Variants in SEMA5A observed in about 807,000 individuals in gnomAD.
The protein encoded by SEMA5A is semaphorin-5A.
A neutral mutation model predicts 135.5 loss-of-function variants in SEMA5A; 55 were observed. The ratio of observed to expected loss-of-function variants is 0.41; its 90% CI spans 0.33 to 0.51. The LOEUF (loss-of-function observed/expected upper bound fraction) is 0.51. Ranked by LOEUF, SEMA5A falls within the 20% of genes least tolerant of loss-of-function variation. The probability of loss-of-function intolerance (pLI) is 0.37; values close to 1 mark genes in which losing one functional copy is unlikely to be tolerated. For missense variants in SEMA5A, 1,290 were observed against 1,419.9 expected (o/e 0.91, Z 1.47); for synonymous variants, 580 against 546.5 (o/e 1.06, Z -0.85).
intron 2 of SEMA5A, among the ~76,000 whole-genome samples, chr5:9,404,664 G>A (rs1167049026): frequency 6.6e-6 from 1 of 152,174 alleles, no homozygotes; most frequent in Non-Finnish European, 1.5e-5. Flanking sequence ...GACCATTCCA[G>A]TGTCCCGTTG....
intron 5 of SEMA5A, among the ~76,000 whole-genome samples, chr5:9,304,762 G>C (rs1206543524): frequency 3.9e-5 from 6 of 152,060 alleles, no homozygotes; most frequent in African/African-American, 9.7e-5. Flanking sequence ...GATTTATGAT[G>C]ATTCTGTAGG....
At chr5:9,472,831 A>T (rs268511) in intron 1 of SEMA5A, among the ~76,000 whole-genome samples, 81,952 of 150,988 alleles carry the variant, frequency 0.54, 22,945 homozygotes, top group African/African-American at 0.62. Context: ...ATTCAAAATT[A>T]TTAGAAGTAT....
chr5:9,251,539 C>G (rs1361600779), intron 5 of SEMA5A, among the ~76,000 whole-genome samples: 1 of 152,190 alleles, frequency 6.6e-6, no homozygotes, highest in Non-Finnish European at 1.5e-5. Context: ...CAAGTTTTGA[C>G]TATGACTATG....
chr5:9,395,019 T>C (rs1307146022), intron 2 of SEMA5A, among the ~76,000 whole-genome samples: 1 of 152,184 alleles, frequency 6.6e-6, no homozygotes, highest in Non-Finnish European at 1.5e-5. Flanking sequence ...TCCTAAGTCG[T>C]AGGAAAATTT....
intron 5 of SEMA5A, among the ~76,000 whole-genome samples, chr5:9,317,259 C>A (rs866530461): frequency 5.3e-5 from 8 of 152,038 alleles, no homozygotes; most frequent in African/African-American, 1.9e-4. Flanking sequence ...ATTATCATCA[C>A]TTTAAAAAAT....
intron 5 of SEMA5A, among the ~76,000 whole-genome samples, chr5:9,255,703 A>G (rs1749032285): frequency 6.6e-6 from 1 of 150,594 alleles, no homozygotes; most frequent in East Asian, 2.0e-4. Flanking sequence ...TTCACTTTCC[A>G]CTCTTCCTTC....
At chr5:9,450,756 C>CAA (rs755349461) in intron 1 of SEMA5A, among the ~76,000 whole-genome samples, 11 of 129,242 alleles carry the variant, frequency 8.5e-5, no homozygotes, top group African/African-American at 2.2e-4. Context: ...TCTACCACAT[C>CAA]AAAAAAAAAA....
At chr5:9,314,556 G>T (rs1045843967) in intron 5 of SEMA5A, among the ~76,000 whole-genome samples, 1 of 152,050 alleles carries the variant, frequency 6.6e-6, no homozygotes, top group African/African-American at 2.4e-5. Context: ...CTCACATGGT[G>T]CTTCTATCAG....
chr5:9,445,355 A>G (rs1758392758), intron 1 of SEMA5A, among the ~76,000 whole-genome samples: 1 of 152,006 alleles, frequency 6.6e-6, no homozygotes, highest in Non-Finnish European at 1.5e-5. Context: ...CCTTCGGTAA[A>G]TATCTCTCGT....
chr5:9,327,831 G>A (rs1239624316), intron 4 of SEMA5A, among the ~76,000 whole-genome samples: 2 of 151,678 alleles, frequency 1.3e-5, no homozygotes, highest in African/African-American at 4.8e-5. Flanking sequence ...AATTTAACTC[G>A]CGACTTTTGC....
intron 1 of SEMA5A, among the ~76,000 whole-genome samples, chr5:9,543,519 G>A (rs1278918567): frequency 6.6e-6 from 1 of 152,146 alleles, no homozygotes; most frequent in East Asian, 1.9e-4. Context: ...AGCTTTACTC[G>A]CAGCAGGGAT....
rs1735927709 is a variant in SEMA5A, at chr5:9,040,909, T to A, written c.*1988A>T. On this transcript the variant is annotated 3_prime_UTR_variant, in exon 23 of 23. Transcript: ENST00000382496. Reference sequence around the variant, plus strand: ...AAAATGTTTTTTTCTTACAAGAAACTGATGAGATGAGTTGAAATATCTGAT... The same window carrying A: ...AAAATGTTTTTTTCTTACAAGAAACAGATGAGATGAGTTGAAATATCTGAT... 1 of 152,204 alleles carries A rather than the reference T, an allele frequency of 6.6e-6. No individual in the cohort carries two copies. The highest frequency in any genetic ancestry group is 2.1e-4 in the South Asian group (1 of 4,832). The allele number at this position is 152,204 out of a possible 1,614,324, so 9.4% of individuals were successfully genotyped here. A position where few individuals can be genotyped will look rare whatever the true frequency, so the allele number is the denominator to read the frequency against.
intron 2 of SEMA5A, among the ~76,000 whole-genome samples, chr5:9,418,672 T>G (rs917930523): frequency 1.7e-4 from 26 of 152,206 alleles, no homozygotes; most frequent in African/African-American, 6.3e-4. Flanking sequence ...CATAAGCTCT[T>G]TAGGAACAGG....
At chr5:9,126,304 C>T (rs1741108152) in intron 13 of SEMA5A, among the ~76,000 whole-genome samples, 1 of 152,034 alleles carries the variant, frequency 6.6e-6, no homozygotes, top group Non-Finnish European at 1.5e-5. Context: ...CCGTCTTATT[C>T]CTCCTGCCCA....
chr5:9,052,703 G>A (rs1736655798), intron 19 of SEMA5A, among the ~76,000 whole-genome samples: 1 of 152,028 alleles, frequency 6.6e-6, no homozygotes, highest in East Asian at 1.9e-4. Flanking sequence ...GGCATTGAAA[G>A]GATACTTCAT....
intron 12 of SEMA5A, among the ~76,000 whole-genome samples, chr5:9,139,300 T>C (rs1741935650): frequency 6.6e-6 from 1 of 152,216 alleles, no homozygotes; most frequent in African/African-American, 2.4e-5. Flanking sequence ...GTTTTCTATA[T>C]GATAAAATTT....
intron 5 of SEMA5A, among the ~76,000 whole-genome samples, chr5:9,287,339 C>T (rs1750848011): frequency 6.6e-6 from 1 of 152,160 alleles, no homozygotes; most frequent in African/African-American, 2.4e-5. Context: ...TCACATAATA[C>T]AATAGATATT....
At chr5:9,298,566 G>C (rs986000979) in intron 5 of SEMA5A, among the ~76,000 whole-genome samples, 1 of 152,138 alleles carries the variant, frequency 6.6e-6, no homozygotes, top group Non-Finnish European at 1.5e-5. Flanking sequence ...TTTTTTAAAA[G>C]TTCTCTCCTA....
chr5:9,234,616 A>G (rs1348048521), intron 6 of SEMA5A, among the ~76,000 whole-genome samples: 1 of 152,090 alleles, frequency 6.6e-6, no homozygotes, highest in African/African-American at 2.4e-5. Context: ...ACTTAAGGCA[A>G]CCTAAAAGAA....
Sources: gnomAD v4.1 joint callset for allele counts (sites outside exome capture counted in the v4.1 genomes callset) on GRCh38, gnomAD v4.1.1 for gene constraint, MANE v1.5 for transcripts, NCBI Gene and HGNC (gene_info 2026-07-23, HGNC 2026-07-21) for gene names.